The following NRTN variants were observed in gnomAD, a reference collection of about 807,000 sequenced individuals.
NRTN encodes the protein prepro-neurturin.
A neutral mutation model predicts 7.5 loss-of-function variants in NRTN; 3 were observed. The observed-to-expected ratio is 0.40, with a 90% CI of 0.18 to 1.03. NRTN has a LOEUF of 1.03. NRTN is among the 50% of genes least tolerant of loss of function. NRTN has a pLI of 0.34. For synonymous variants in NRTN, 157 were observed against 146.6 expected, an observed-to-expected ratio of 1.07 and a Z score of -0.51; for missense variants, 310 against 307.0, an observed-to-expected ratio of 1.01 and a Z score of -0.07.
At chr19:5,807,850 A>G (rs1228682840) in intron 1 of NRTN, among the ~76,000 whole-genome samples, 1 of 152,228 alleles carries the variant, frequency 6.6e-6, no homozygotes, top group Non-Finnish European at 1.5e-5. Context: ...TGGGAGGCCA[A>G]GGCAGGTGGA....
chr19:5,805,489 A>G (rs2056972515), intron 1 of NRTN, among the ~76,000 whole-genome samples, 38 bp downstream of exon 1: 1 of 151,618 alleles, frequency 6.6e-6, no homozygotes, highest in Non-Finnish European at 1.5e-5. Context: ...GGGGGGCAGC[A>G]GGGTACGACG....
chr19:5,808,084 A>C (rs982192559), intron 1 of NRTN, among the ~76,000 whole-genome samples: 1 of 152,164 alleles, frequency 6.6e-6, no homozygotes, highest in African/African-American at 2.4e-5. Context: ...CCCCGTCTCA[A>C]AAGAAGAAAG....
Position 5,828,287 on chromosome 19 carries a change from T to C in NRTN, c.*114T>C. The C allele has an allele frequency of 1.7e-6, 2 of 1,178,076 alleles. No individual in the cohort carries two copies. Among genetic ancestry groups the C allele is most frequent in the African/African-American group, 1.6e-5 (1 of 62,826 alleles). 73.0% of individuals were successfully genotyped at this position (1,178,076 alleles called of 1,614,324 possible). A position where few individuals can be genotyped will look rare whatever the true frequency, so the allele number is the denominator to read the frequency against. Reference sequence around the variant, plus strand: ...GCACGCCGGCGCGGCCCCGGGACTCTCGCGATAACTGTACTGAGATAAAGT... The same window carrying C: ...GCACGCCGGCGCGGCCCCGGGACTCCCGCGATAACTGTACTGAGATAAAGT... On this transcript the variant is annotated 3_prime_UTR_variant, in exon 3 of 3. Transcript: ENST00000303212.
chr19:5,811,901 G>T (rs1024090391), intron 1 of NRTN, among the ~76,000 whole-genome samples: 2 of 150,156 alleles, frequency 1.3e-5, no homozygotes, highest in African/African-American at 4.9e-5. Context: ...GACAGAGTTC[G>T]CTCTGTTGCC....
intron 1 of NRTN, among the ~76,000 whole-genome samples, chr19:5,809,492 TG>T (rs68159132): frequency 0.089 from 13,501 of 151,220 alleles, 911 homozygotes; most frequent in East Asian, 0.34. Flanking sequence ...GTTTTTTTTT[TG>T]TTGTTGTTTA....
chr19:5,807,832 C>T (rs1395355717), intron 1 of NRTN, among the ~76,000 whole-genome samples: 3 of 152,180 alleles, frequency 2.0e-5, no homozygotes, highest in Non-Finnish European at 4.4e-5. Flanking sequence ...CCTGTAATCC[C>T]AACACTTTGG....
Position 5,827,763 on chromosome 19 carries a change from C to T in NRTN, c.184C>T (p.Gln62Ter). 1 of 1,210,986 alleles carries T rather than the reference C, an allele frequency of 8.3e-7. No homozygotes were observed. 75.0% of individuals were successfully genotyped at this position (1,210,986 alleles called of 1,614,324 possible). A position where few individuals can be genotyped will look rare whatever the true frequency, so the allele number is the denominator to read the frequency against. The change falls in exon 3 of 3, where the codon CAG becomes TAG. Residue 62 changes from glutamine to a stop codon, truncating the protein, a stop_gained. Transcript: ENST00000303212. LOFTEE classifies it low-confidence loss of function (END_TRUNC). The stretch of plus-strand genomic sequence containing the variant: ...TCCCCTCGCAGACCGTGCACTCCTG[C>T]AGGGGGCCCCGGATGCGATGGAGCT... ...ARLAQYRALL[Q>*]GAPDAMELRE...
At chr19:5,809,872 C>T (rs753586877) in intron 1 of NRTN, among the ~76,000 whole-genome samples, 8 of 152,114 alleles carry the variant, frequency 5.3e-5, no homozygotes, top group African/African-American at 1.4e-4. Context: ...CACAGGCCAG[C>T]GGGTTCCCAG....
At position 5,828,197 on chromosome 19, in the gene NRTN, G is replaced by A. The variant is rs1333630745; in HGVS notation, c.*24G>A. 2 of 1,528,032 alleles carry A rather than the reference G, an allele frequency of 1.3e-6. No individual in the cohort carries two copies. Among genetic ancestry groups the A allele is most frequent in the Admixed American group, 4.0e-5 (2 of 50,550 alleles). 94.7% of individuals were successfully genotyped at this position (1,528,032 alleles called of 1,614,324 possible). Reference sequence around the variant, plus strand: ...GACCCTACCTCACTCGGCCGGCGCGGCGGCCACTCCCCCCGCCTCGACGGC... The same window carrying A: ...GACCCTACCTCACTCGGCCGGCGCGACGGCCACTCCCCCCGCCTCGACGGC... On this transcript the variant is annotated 3_prime_UTR_variant, in exon 3 of 3. Coordinates refer to ENST00000303212, the MANE Select transcript of NRTN (RefSeq NM_004558.5).
At chr19:5,820,738 GAAAAAAAAA>G (rs869276836) in intron 1 of NRTN, among the ~76,000 whole-genome samples, 10 of 39,070 alleles carry the variant, frequency 2.6e-4, no homozygotes, top group Non-Finnish European at 4.9e-4. Flanking sequence ...TCTGTCTCAA[GAAAAAAAAA>G]AAAAAAAAAA....
At chr19:5,822,111 C>G (rs1218426613) in intron 1 of NRTN, among the ~76,000 whole-genome samples, 1 of 151,116 alleles carries the variant, frequency 6.6e-6, no homozygotes, top group Non-Finnish European at 1.5e-5. Flanking sequence ...TGTGTAGCTC[C>G]TGTCGTCGCC....
intron 1 of NRTN, among the ~76,000 whole-genome samples, chr19:5,821,700 C>T (rs1336701526): frequency 6.6e-6 from 1 of 152,134 alleles, no homozygotes; most frequent in East Asian, 1.9e-4. Flanking sequence ...TGGGCTGGCC[C>T]TGGGGGAGAA....
intron 1 of NRTN, among the ~76,000 whole-genome samples, chr19:5,812,947 C>T (rs1487439763): frequency 1.3e-5 from 2 of 152,230 alleles, no homozygotes; most frequent in Non-Finnish European, 2.9e-5. Flanking sequence ...CACTTCCCCA[C>T]TGGCATGTTC....
intron 1 of NRTN, among the ~76,000 whole-genome samples, chr19:5,807,963 G>A (rs1226262648): frequency 6.6e-6 from 1 of 152,116 alleles, no homozygotes; most frequent in Non-Finnish European, 1.5e-5. Context: ...TCCCCCTCTG[G>A]TCCCAGCTAC....
chr19:5,815,737 G>GTTTTTTTTTTTTTT, intron 1 of NRTN, among the ~76,000 whole-genome samples: 1 of 120,420 alleles, frequency 8.3e-6, no homozygotes, highest in Non-Finnish European at 1.8e-5. Flanking sequence ...CGCCCGGCCT[G>GTTTTTTTTTTTTTT]TTTTTTTTTT....
intron 1 of NRTN, among the ~76,000 whole-genome samples, chr19:5,815,030 C>A (rs2057000647): frequency 6.6e-6 from 1 of 152,226 alleles, no homozygotes; most frequent in African/African-American, 2.4e-5. Context: ...AGGGCGGGGC[C>A]GTTCCCTCCT....
rs1312853273 is a variant in NRTN, at chr19:5,828,022, T to TGCGCCAGCGGCG, written c.449_460dup (p.Gln150_Arg153dup). On this transcript the variant is annotated inframe_insertion, in exon 3 of 3. Transcript: ENST00000303212. The stretch of plus-strand genomic sequence containing the variant: ...GTCTACGACCTCGGGCTGCGACGAC[T>TGCGCCAGCGGCG]GCGCCAGCGGCGGCGCCTGCGGCGG... 7.1e-5 allele frequency: 101 copies of TGCGCCAGCGGCG among 1,426,972 alleles called. No homozygotes were observed. Among genetic ancestry groups the TGCGCCAGCGGCG allele is most frequent in the Non-Finnish European group, 8.5e-5 (93 of 1,098,476 alleles). The allele number at this position is 1,426,972 out of a possible 1,614,324, so 88.4% of individuals were successfully genotyped here.
rs1050463079 is a variant in NRTN, at chr19:5,806,563, C to G, written c.-399+1112C>G. Among the ~76,000 whole-genome samples the G allele has an allele frequency of 1.3e-5, 2 of 152,048 alleles. No homozygotes were observed. Among genetic ancestry groups the G allele is most frequent in the African/African-American group, 2.4e-5 (1 of 41,388 alleles). The stretch of plus-strand genomic sequence containing the variant: ...AGAGGATGTCAGTGAGGGGCAGGAT[C>G]CCACCCACACTGCCAGCTTCTCCCA... On this transcript the variant is annotated intron_variant, in intron 1 of 2. Coordinates refer to ENST00000303212, the MANE Select transcript of NRTN (RefSeq NM_004558.5). This position sits in a 1 kb window ranked among gnomAD's most constrained non-coding sequence, Gnocchi z 5.4.
At chr19:5,814,365 G>A (rs774254681) in intron 1 of NRTN, among the ~76,000 whole-genome samples, 1 of 152,202 alleles carries the variant, frequency 6.6e-6, no homozygotes, top group African/African-American at 2.4e-5. Context: ...TCAGGGTAGA[G>A]TAGGAGTTTG....
Sources: allele counts gnomAD v4.1 joint callset (sites outside exome capture counted in the v4.1 genomes callset), GRCh38; gene constraint gnomAD v4.1.1; non-coding constraint Gnocchi (gnomAD v3.1); transcripts MANE v1.5; gene names NCBI Gene and HGNC (gene_info 2026-07-23, HGNC 2026-07-21).